The following TJP2 variants were observed in gnomAD, a reference collection of about 807,000 sequenced individuals.
TJP2 encodes Friedreich ataxia region gene X104 (tight junction protein ZO-2).
In TJP2, 91 loss-of-function variants were observed where a neutral mutation model predicts 133.1. The observed-to-expected ratio is 0.68, with a 90% confidence interval of 0.58 to 0.81. The LOEUF (loss-of-function observed/expected upper bound fraction) is 0.81. TJP2 is among the 40% of genes least tolerant of loss of function. The pLI, the probability that TJP2 is intolerant of heterozygous loss-of-function variation, is 0.00. For missense variants in TJP2, 1,541 were observed against 1,565.6 expected, an observed-to-expected ratio of 0.98 and a Z score of 0.26; for synonymous variants, 592 against 583.4, an observed-to-expected ratio of 1.01 and a Z score of -0.21.
chr9:69,149,493 T>C (rs929567394), intron 1 of TJP2, among the ~76,000 whole-genome samples: 4 of 152,206 alleles, frequency 2.6e-5, no homozygotes, highest in Non-Finnish European at 5.9e-5. Flanking sequence ...AGAAGGGAAA[T>C]GTGCCTCCCG....
At chr9:69,174,031 C>G (rs1422139800), upstream of TJP2, 3 of 1,040,834 alleles carry the variant, frequency 2.9e-6, no homozygotes, top group Non-Finnish European at 3.5e-6. Context: ...CGCCGCCTCC[C>G]GCCCCCGGCC....
intron 2 of TJP2, among the ~76,000 whole-genome samples, chr9:69,152,646 A>G (rs965840486): frequency 6.6e-6 from 1 of 151,968 alleles, no homozygotes; most frequent in Non-Finnish European, 1.5e-5. Flanking sequence ...GGGAACGTCG[A>G]CATGAAACTA....
chr9:69,246,517 A>T (rs1360136107), intron 17 of TJP2, 173 bp from the exon 18 acceptor site: 3 of 655,682 alleles, frequency 4.6e-6, no homozygotes, highest in South Asian at 3.2e-5. Flanking sequence ...CATGATTAGT[A>T]GTTTTAATTG....
At chr9:69,183,415 G>T (rs1564411649) in intron 1 of TJP2, among the ~76,000 whole-genome samples, 1 of 152,082 alleles carries the variant, frequency 6.6e-6, no homozygotes, top group Non-Finnish European at 1.5e-5. Context: ...ACTTGGGAGA[G>T]GACCCATATA....
chr9:69,157,685 C>T (rs1823843566), intron 2 of TJP2, among the ~76,000 whole-genome samples: 1 of 152,134 alleles, frequency 6.6e-6, no homozygotes, highest in Non-Finnish European at 1.5e-5. Context: ...GCTCTAACTC[C>T]TGACCTCAAG....
At chr9:69,248,416 G>A (rs1237630515) in intron 19 of TJP2, 192 bp downstream of exon 19, 2 of 1,430,972 alleles carry the variant, frequency 1.4e-6, no homozygotes, top group Non-Finnish European at 1.8e-6. Flanking sequence ...CAGGCAGGTG[G>A]ACTTCAGAAG....
upstream of TJP2, among the ~76,000 whole-genome samples, chr9:69,169,581 A>G (rs1824566833): frequency 6.6e-6 from 1 of 152,084 alleles, no homozygotes; most frequent in Non-Finnish European, 1.5e-5. Context: ...GGTGGTCTCG[A>G]ACTCCTGATC....
At position 69,240,102 on chromosome 9, in the gene TJP2, G is replaced by A; in HGVS notation, c.2521G>A (p.Asp841Asn). Residue 841 changes from aspartate to asparagine, a missense_variant, in exon 17 of 23, where the codon GAT (aspartate) becomes AAT (asparagine). Asp to Asn is a conservative substitution (Grantham distance 23). Transcript: ENST00000377245. ...TSNKSSRKLF[D>N]QANKLKKTCA... Reference sequence around the variant, plus strand: ...CAACAAAAGTTCTCGAAAGTTATTTGATCAAGCCAACAAGCTTAAAAAAAC... The same window carrying A: ...CAACAAAAGTTCTCGAAAGTTATTTAATCAAGCCAACAAGCTTAAAAAAAC... The A allele has an allele frequency of 6.2e-7, 1 of 1,613,940 alleles. No individual in the cohort carries two copies. Among genetic ancestry groups the A allele is most frequent in the East Asian group, 2.2e-5 (1 of 44,868 alleles).
In TJP2 at chr9:69,240,085, G is replaced by T. The variant is rs1830480292; in HGVS notation, c.2504G>T (p.Ser835Ile). 6.2e-7 allele frequency: 1 copy of T among 1,614,016 alleles called. No individual in the cohort carries two copies. Among genetic ancestry groups the T allele is most frequent in the Admixed American group, 1.7e-5 (1 of 60,000 alleles). ...RQRLNPTSNK[S>I]SRKLFDQANK... ...AGGTTAAATCCAACGTCCAACAAAA[G>T]TTCTCGAAAGTTATTTGATCAAGCC... Residue 835 changes from serine to isoleucine, a missense_variant, in exon 17 of 23, where the codon AGT becomes ATT. Transcript: ENST00000377245.
chr9:69,197,424 T>C (rs145768632), intron 1 of TJP2, among the ~76,000 whole-genome samples: 29 of 152,368 alleles, frequency 1.9e-4, no homozygotes, highest in African/African-American at 6.7e-4. Context: ...TTTTAAATAA[T>C]ACTGTTATGA....
intron 1 of TJP2, among the ~76,000 whole-genome samples, chr9:69,146,814 G>T (rs1823233053): frequency 6.6e-6 from 1 of 152,068 alleles, no homozygotes; most frequent in Admixed American, 6.6e-5. Flanking sequence ...ATCCCACAAG[G>T]TACAGGACAG....
exon 1 of TJP2, chr9:69,121,679 CA>C (rs1387143292): frequency 6.5e-6 from 1 of 152,962 alleles, no homozygotes; most frequent in Non-Finnish European, 1.5e-5. Context: ...CGCCCTCGCC[CA>C]GCGCCCGACA....
chr9:69,221,073 AGG>A lies in TJP2; in HGVS notation c.533_534del (p.Gly178AlafsTer4). 4 of 1,594,866 alleles carry A rather than the reference AGG, an allele frequency of 2.5e-6. No individual in the cohort carries two copies. The highest frequency in any genetic ancestry group is 3.4e-6 in the Non-Finnish European group (4 of 1,171,322). ...RSRSWEDSPERGRPHERARSR... is the reference protein window; with the variant it reads ...RSRSWEDSPEXGRPHERARSR... ...CCGCAGCTGGGAGGACAGCCCGGAA[AGG>A]GGGCGTCCCCATGAGCGGGCCCGGA... On this transcript the variant is annotated frameshift_variant, in exon 5 of 23. Transcript: ENST00000377245. LOFTEE classifies it high-confidence loss of function.
intron 17 of TJP2, 40 bp from the exon 18 acceptor site, chr9:69,246,650 C>T (rs1302330846): frequency 2.6e-6 from 4 of 1,549,718 alleles, no homozygotes; most frequent in Non-Finnish European, 3.6e-6. Context: ...AAACATGCCT[C>T]TGGAAATTAA....
intron 1 of TJP2, among the ~76,000 whole-genome samples, chr9:69,193,552 G>A (rs1379801246): frequency 2.0e-5 from 3 of 146,496 alleles, no homozygotes; most frequent in East Asian, 2.0e-4. Flanking sequence ...GAAGTTTCCC[G>A]TGTCACCAAT....
intron 1 of TJP2, among the ~76,000 whole-genome samples, chr9:69,183,813 C>T (rs754044040): frequency 3.9e-5 from 6 of 152,168 alleles, no homozygotes; most frequent in South Asian, 2.1e-4. Flanking sequence ...CAGCTCATTG[C>T]GACCTGTGCC....
At chr9:69,170,415 C>G (rs1824616251), upstream of TJP2, among the ~76,000 whole-genome samples, 1 of 152,060 alleles carries the variant, frequency 6.6e-6, no homozygotes, top group African/African-American at 2.4e-5. Flanking sequence ...TTCCTTATTA[C>G]AATTTTAAAT....
chr9:69,238,662 T>C (rs1269451887), intron 15 of TJP2, 48 bp from the exon 16 acceptor site: 3 of 1,491,912 alleles, frequency 2.0e-6, no homozygotes, highest in Non-Finnish European at 1.9e-6. Flanking sequence ...TATTTGGTTG[T>C]CACTGTTTTC....
At chr9:69,203,888 C>T (rs1398927739) in intron 1 of TJP2, among the ~76,000 whole-genome samples, 1 of 152,158 alleles carries the variant, frequency 6.6e-6, no homozygotes, top group African/African-American at 2.4e-5. Flanking sequence ...GCTAGGATTA[C>T]AGGCGTGAGT....
Sources: allele counts gnomAD v4.1 joint callset (sites outside exome capture counted in the v4.1 genomes callset), GRCh38; gene constraint gnomAD v4.1.1; transcripts MANE v1.5; gene names NCBI Gene and HGNC (gene_info 2026-07-23, HGNC 2026-07-21).